The following ADAMTS17 variants were observed in gnomAD, a reference collection of about 807,000 sequenced individuals.
ADAMTS17 encodes the protein ADAM metallopeptidase with thrombospondin type 1 motif 17, also known as A disintegrin and metalloproteinase with thrombospondin motifs 17.
A neutral mutation model predicts 141.5 loss-of-function variants in ADAMTS17; 113 were observed. The observed-to-expected ratio is 0.80, with a 90% confidence interval of 0.69 to 0.93. The LOEUF is 0.93. Ranked by LOEUF, ADAMTS17 falls within the 40% of genes least tolerant of loss-of-function variation. ADAMTS17 has a pLI of 0.00. For missense variants in ADAMTS17, 1,659 were observed against 1,517.9 expected (o/e 1.09, Z -1.54); for synonymous variants, 768 against 630.6 (o/e 1.22, Z -3.27).
At chr15:100,232,666 T>C (rs972798347) in intron 7 of ADAMTS17, among the ~76,000 whole-genome samples, 2 of 152,240 alleles carry the variant, frequency 1.3e-5, no homozygotes, top group African/African-American at 2.4e-5. Flanking sequence ...GAAGTCTTCC[T>C]GTGTCAGTGG....
intron 18 of ADAMTS17, among the ~76,000 whole-genome samples, chr15:100,023,188 T>A (rs572303676): frequency 6.6e-6 from 1 of 152,172 alleles, no homozygotes; most frequent in African/African-American, 2.4e-5. Flanking sequence ...TGTTTTTAGG[T>A]GAACAAAATA....
intron 7 of ADAMTS17, among the ~76,000 whole-genome samples, chr15:100,235,074 T>C (rs1459733130): frequency 6.6e-6 from 1 of 152,224 alleles, no homozygotes; most frequent in East Asian, 1.9e-4. Context: ...TGCTGGGCCA[T>C]GACTCCTGCC....
chr15:100,291,858 T>C (rs145464686), intron 3 of ADAMTS17, among the ~76,000 whole-genome samples: 44 of 152,306 alleles, frequency 2.9e-4, no homozygotes, highest in African/African-American at 8.2e-4. Flanking sequence ...GGTGATGAAA[T>C]AATATGTACA....
chr15:100,331,159 C>T, intron 2 of ADAMTS17, 105 bp from the exon 3 acceptor site: 1 of 1,440,632 alleles, frequency 6.9e-7, no homozygotes, highest in Non-Finnish European at 9.6e-7. Flanking sequence ...ATTTGGTTTT[C>T]CAGGTCTGGG....
rs2041233461 is a variant in ADAMTS17, at chr15:100,199,319, T to C, written c.1180A>G (p.Asn394Asp). The C allele has an allele frequency of 1.2e-6, 2 of 1,613,756 alleles. No homozygotes were observed. The highest frequency in any genetic ancestry group is 1.7e-6 in the Non-Finnish European group (2 of 1,179,592). ...GACGACACAGAGTCTGATACTTACT[T>C]GTGGCCCAGCTCATGGGCGATGGTA... ...AFTIAHELGH[N>D]LGMNHDDDHS... is the part of the protein sequence containing the mutation. Residue 394 changes from asparagine to aspartate, a missense_variant and splice_region_variant, in exon 8 of 22, where the codon AAC becomes GAC. Asn to Asp is a conservative substitution (Grantham distance 23). Transcript: ENST00000268070.
intron 7 of ADAMTS17, among the ~76,000 whole-genome samples, chr15:100,211,612 A>T (rs1348064842): frequency 6.6e-6 from 1 of 152,250 alleles, no homozygotes; most frequent in African/African-American, 2.4e-5. Flanking sequence ...ATCATAAAAA[A>T]GATTGGGCTA....
At chr15:100,075,696 T>C (rs537278799) in intron 15 of ADAMTS17, among the ~76,000 whole-genome samples, 2 of 152,356 alleles carry the variant, frequency 1.3e-5, no homozygotes, top group African/African-American at 4.8e-5. Context: ...ATCTTTTTTC[T>C]GATCTATTTG....
intron 7 of ADAMTS17, among the ~76,000 whole-genome samples, chr15:100,230,916 C>T (rs778343773): frequency 9.2e-5 from 14 of 152,088 alleles, no homozygotes; most frequent in Non-Finnish European, 1.8e-4. Flanking sequence ...AGCCAGGGGA[C>T]AAGAACAGCC....
intron 15 of ADAMTS17, among the ~76,000 whole-genome samples, chr15:100,063,295 C>A (rs1460741002): frequency 1.3e-5 from 2 of 152,212 alleles, no homozygotes; most frequent in Non-Finnish European, 2.9e-5. Context: ...ACTGGCAGCC[C>A]AATGGGGCTT....
intron 18 of ADAMTS17, among the ~76,000 whole-genome samples, chr15:100,022,551 T>TC (rs1320500895): frequency 2.0e-5 from 3 of 152,208 alleles, no homozygotes; most frequent in African/African-American, 4.8e-5. Flanking sequence ...CAGATGTTCT[T>TC]CAGGCAGGCA....
chr15:100,065,390 G>C (rs1439780603), intron 15 of ADAMTS17, among the ~76,000 whole-genome samples: 1 of 152,104 alleles, frequency 6.6e-6, no homozygotes, highest in Non-Finnish European at 1.5e-5. Flanking sequence ...TGATCTATAG[G>C]CTATATGAGG....
intron 12 of ADAMTS17, among the ~76,000 whole-genome samples, chr15:100,127,146 T>G (rs2037779331): frequency 6.6e-6 from 1 of 152,134 alleles, no homozygotes; most frequent in Admixed American, 6.5e-5. Flanking sequence ...TGCAGGGGGC[T>G]GAACGGTGGG....
In ADAMTS17 at chr15:100,070,940, C is replaced by T. The variant is rs1476877870; in HGVS notation, c.2138-16886G>A. On this transcript the variant is annotated intron_variant, in intron 15 of 21. Coordinates refer to ENST00000268070, the MANE Select transcript of ADAMTS17 (RefSeq NM_139057.4). ...AGACACAAAAAACCCTTCAAAAAATCCATGAATCCAGGAGATGGATTTTTG... is the reference window on the plus strand; with the variant it reads ...AGACACAAAAAACCCTTCAAAAAATTCATGAATCCAGGAGATGGATTTTTG... 4.0e-5 allele frequency among the ~76,000 whole-genome samples: 6 copies of T among 149,946 alleles called. 1 individual carries two copies. The highest frequency in any genetic ancestry group is 1.5e-5 in the Non-Finnish European group (1 of 67,440).
chr15:100,160,222 G>A (rs761084793), intron 8 of ADAMTS17, among the ~76,000 whole-genome samples: 8 of 152,202 alleles, frequency 5.3e-5, no homozygotes, highest in Non-Finnish European at 1.2e-4. Flanking sequence ...CCTTGGCCAG[G>A]ATCAGAGGCA....
intron 3 of ADAMTS17, chr15:100,306,673 G>GGTA (rs2045237300): frequency 4.6e-6 from 2 of 432,236 alleles, no homozygotes; most frequent in Admixed American, 5.0e-5. Flanking sequence ...TCAGCTTTGG[G>GGTA]GTAGCTCATC....
Position 100,262,344 on chromosome 15 carries a change from G to A in ADAMTS17, c.873+8C>T. The stretch of plus-strand genomic sequence containing the variant: ...CTGCTTGCTTGAAAGGTGCCTGTGG[G>A]GACTTACGGGACGTTGTCGTAGCAG... On this transcript the variant is annotated splice_region_variant and intron_variant, in intron 5 of 21. Coordinates refer to ENST00000268070, the MANE Select transcript of ADAMTS17 (RefSeq NM_139057.4). 6.2e-7 allele frequency: 1 copy of A among 1,613,026 alleles called. No individual in the cohort carries two copies. Among genetic ancestry groups the A allele is most frequent in the South Asian group, 1.1e-5 (1 of 90,962 alleles).
intron 10 of ADAMTS17, among the ~76,000 whole-genome samples, chr15:100,141,562 C>T (rs749297867): frequency 1.4e-4 from 21 of 152,158 alleles, no homozygotes; most frequent in Middle Eastern, 3.2e-3. Context: ...AAGTCTTCCC[C>T]GGGCCAGCAT....
intron 18 of ADAMTS17, among the ~76,000 whole-genome samples, chr15:100,037,739 A>G (rs542236931): frequency 5.7e-4 from 87 of 151,942 alleles, no homozygotes; most frequent in African/African-American, 2.0e-3. Flanking sequence ...TCCTTATCAG[A>G]TATATAATTT....
chr15:100,321,562 T>G (rs2045734732), intron 3 of ADAMTS17, among the ~76,000 whole-genome samples: 1 of 152,192 alleles, frequency 6.6e-6, no homozygotes, highest in South Asian at 2.1e-4. Flanking sequence ...AATACTAACG[T>G]TAGCTGAAAA....
Sources: allele counts gnomAD v4.1 joint callset (sites outside exome capture counted in the v4.1 genomes callset), GRCh38; gene constraint gnomAD v4.1.1; transcripts MANE v1.5; gene names NCBI Gene and HGNC (gene_info 2026-07-23, HGNC 2026-07-21).